Variants in RHBDD1 observed in about 807,000 individuals in gnomAD.
RHBDD1 encodes rhomboid-related protein 4.
A neutral mutation model predicts 36.3 loss-of-function variants in RHBDD1; 38 were observed. The ratio of observed to expected loss-of-function variants is 1.05; its 90% CI spans 0.81 to 1.37. The LOEUF (loss-of-function observed/expected upper bound fraction) is 1.37, where lower values mean the gene tolerates loss of function less well. Ranked by LOEUF, RHBDD1 falls within the 40% of genes most tolerant of loss-of-function variation. The pLI is 0.00. For missense variants in RHBDD1, 393 were observed against 377.6 expected, an observed-to-expected ratio of 1.04 and a Z score of -0.34; for synonymous variants, 151 against 136.5, an observed-to-expected ratio of 1.11 and a Z score of -0.74.
chr2:226,857,325 G>T (rs1943430283), intron 3 of RHBDD1, among the ~76,000 whole-genome samples: 1 of 152,092 alleles, frequency 6.6e-6, no homozygotes, highest in African/African-American at 2.4e-5. Context: ...TGGAACCCCT[G>T]TACAGTGCTG....
At chr2:226,893,926 A>T (rs1369575560) in intron 5 of RHBDD1, among the ~76,000 whole-genome samples, 1 of 152,212 alleles carries the variant, frequency 6.6e-6, no homozygotes, top group Non-Finnish European at 1.5e-5. Context: ...TCTGAGCCTA[A>T]AACCTAAGTG....
At chr2:226,940,343 T>C (rs1050112909) in intron 8 of RHBDD1, among the ~76,000 whole-genome samples, 1 of 152,202 alleles carries the variant, frequency 6.6e-6, no homozygotes, top group African/African-American at 2.4e-5. Flanking sequence ...AGAAACTATC[T>C]AATTGTACGC....
chr2:226,800,703 C>T, the RHBDD1 span, among the ~76,000 whole-genome samples: 6 of 152,194 alleles, frequency 3.9e-5, no homozygotes, highest in African/African-American at 1.4e-4. Context: ...TCAGAGGGTT[C>T]ATAAGGCCAA....
chr2:226,931,337 C>A (rs922474203), intron 8 of RHBDD1, among the ~76,000 whole-genome samples: 1 of 152,008 alleles, frequency 6.6e-6, no homozygotes, highest in Non-Finnish European at 1.5e-5. Context: ...TCTTTTGCAG[C>A]AACTTAGATG....
chr2:226,925,713 T>C lies in RHBDD1; in HGVS notation c.856+11362T>C, dbSNP rs924285715. Among the ~76,000 whole-genome samples the C allele has an allele frequency of 3.3e-5, 5 of 152,346 alleles. No homozygotes were observed. In the East Asian group the frequency reaches 9.6e-4, roughly 29 times the overall value. Reference sequence around the variant, plus strand: ...CTGTATAAGGCACTTCAAGAGTCTTTTTAGACCTGTTTCCTTGAAACTAGT... The same window carrying C: ...CTGTATAAGGCACTTCAAGAGTCTTCTTAGACCTGTTTCCTTGAAACTAGT... On this transcript the variant is annotated intron_variant, in intron 8 of 8. Coordinates refer to ENST00000392062, the MANE Select transcript of RHBDD1 (RefSeq NM_001167608.3).
At chr2:226,831,192 T>A (rs1353250778), upstream of RHBDD1, among the ~76,000 whole-genome samples, 1 of 152,178 alleles carries the variant, frequency 6.6e-6, no homozygotes. Flanking sequence ...ATGGTATAAT[T>A]TCTTCCTTAA....
At chr2:226,874,488 AG>A (rs1487934484) in intron 5 of RHBDD1, among the ~76,000 whole-genome samples, 1 of 152,138 alleles carries the variant, frequency 6.6e-6, no homozygotes, top group Non-Finnish European at 1.5e-5. Flanking sequence ...AGCAGTTTGT[AG>A]GGGAGAAACT....
At chr2:226,866,080 A>T (rs1014053826) in intron 4 of RHBDD1, among the ~76,000 whole-genome samples, 10 of 137,496 alleles carry the variant, frequency 7.3e-5, no homozygotes, top group East Asian at 2.2e-4. Flanking sequence ...TTATTTATTT[A>T]TTTTTTTTGA....
Position 226,998,173 on chromosome 2 carries a change from GTAGT to G in RHBDD1, c.*2654_*2657del, listed in dbSNP as rs1359834126. ...TTTACTTGGTTCTGAAGAGGAGGCA[GTAGT>G]TAAAATTGCTTCCTCTTAATGACTC... On this transcript the variant is annotated 3_prime_UTR_variant, in exon 9 of 9. Transcript: ENST00000392062. The G allele has an allele frequency of 6.6e-6, 1 of 152,210 alleles. No homozygotes were observed. 9.4% of individuals were successfully genotyped at this position (152,210 alleles called of 1,614,324 possible). A position where few individuals can be genotyped will look rare whatever the true frequency, so the allele number is the denominator to read the frequency against.
upstream of RHBDD1, chr2:226,836,045 C>G (rs1175080160): frequency 6.5e-6 from 1 of 152,700 alleles, no homozygotes; most frequent in Non-Finnish European, 1.5e-5. Context: ...TGATGACGCA[C>G]GTGCGCGCGA....
chr2:226,952,293 GTTTTTTTTTTTT>G (rs5839184), intron 8 of RHBDD1, among the ~76,000 whole-genome samples: 2 of 71,228 alleles, frequency 2.8e-5, no homozygotes, highest in African/African-American at 1.0e-4. Flanking sequence ...TTTTGGTTTG[GTTTTTTTTTTTT>G]TTTTTTTTTT....
intron 5 of RHBDD1, among the ~76,000 whole-genome samples, chr2:226,898,786 G>T (rs942010721): frequency 1.3e-5 from 2 of 152,152 alleles, no homozygotes; most frequent in African/African-American, 4.8e-5. Context: ...CCAAACCCCA[G>T]AGCTTCTGAT....
chr2:226,925,018 C>T (rs1335633116), intron 8 of RHBDD1, among the ~76,000 whole-genome samples: 5 of 152,192 alleles, frequency 3.3e-5, no homozygotes, highest in African/African-American at 1.2e-4. Flanking sequence ...GATAGTTCTT[C>T]AGTTTGGTGT....
chr2:226,871,406 T>C (rs1332207112), intron 5 of RHBDD1, among the ~76,000 whole-genome samples: 1 of 152,190 alleles, frequency 6.6e-6, no homozygotes, highest in Non-Finnish European at 1.5e-5. Context: ...AAAAGAAAAT[T>C]AACAGTAATT....
chr2:226,891,927 C>A (rs1305868839), intron 5 of RHBDD1, among the ~76,000 whole-genome samples: 1 of 152,164 alleles, frequency 6.6e-6, no homozygotes, highest in Non-Finnish European at 1.5e-5. Flanking sequence ...TCTGATTGGC[C>A]AGTGCAGGTC....
intron 8 of RHBDD1, among the ~76,000 whole-genome samples, chr2:226,960,068 C>A (rs1384127745): frequency 6.6e-6 from 1 of 152,098 alleles, no homozygotes. Context: ...TGTAATCTGC[C>A]CACCTTGGCC....
chr2:226,975,851 T>C (rs991875531), intron 8 of RHBDD1, among the ~76,000 whole-genome samples: 5 of 152,122 alleles, frequency 3.3e-5, no homozygotes, highest in South Asian at 2.1e-4. Flanking sequence ...TTGTCACCAA[T>C]AGATAGCAGG....
the RHBDD1 span, among the ~76,000 whole-genome samples, chr2:226,818,415 C>A: frequency 6.6e-6 from 1 of 151,058 alleles, no homozygotes; most frequent in African/African-American, 2.4e-5. Context: ...ATCTGCTCAC[C>A]TCGGCCTCCC....
intron 8 of RHBDD1, among the ~76,000 whole-genome samples, chr2:226,926,762 A>G (rs1409152117): frequency 6.6e-6 from 1 of 152,218 alleles, no homozygotes; most frequent in Non-Finnish European, 1.5e-5. Context: ...TGCAAGTTCC[A>G]CATGAAGTGA....
Sources: allele counts gnomAD v4.1 joint callset (sites outside exome capture counted in the v4.1 genomes callset), GRCh38; gene constraint gnomAD v4.1.1; transcripts MANE v1.5; gene names NCBI Gene and HGNC (gene_info 2026-07-23, HGNC 2026-07-21).